The following LGSN variants were observed in gnomAD, a reference collection of about 807,000 sequenced individuals.
LGSN encodes lengsin, lens protein with glutamine synthetase domain, also known as lengsin.
Under a neutral mutation model 19.5 loss-of-function variants are expected in LGSN, and 21 were observed. The ratio of observed to expected loss-of-function variants is 1.07; its 90% CI spans 0.76 to 1.55. The LOEUF (loss-of-function observed/expected upper bound fraction) is 1.55. LGSN is among the 40% of genes most tolerant of loss of function. LGSN has a pLI of 0.00. For missense variants in LGSN, 673 were observed against 608.5 expected (o/e 1.11, Z -1.12); for synonymous variants, 257 against 215.6 (o/e 1.19, Z -1.68).
At chr6:63,450,499 T>C in the LGSN span, among the ~76,000 whole-genome samples, 854 of 151,236 alleles carry the variant, frequency 5.6e-3, 4 homozygotes, top group African/African-American at 0.019. Flanking sequence ...GAGCCAAGAC[T>C]GTGCCACTGA....
At chr6:63,385,651 G>A in the LGSN span, among the ~76,000 whole-genome samples, 1 of 152,064 alleles carries the variant, frequency 6.6e-6, no homozygotes, top group Non-Finnish European at 1.5e-5. Flanking sequence ...TTTAACTTAT[G>A]TCTAACTTAT....
At chr6:63,507,386 G>A in the LGSN span, among the ~76,000 whole-genome samples, 10 of 152,158 alleles carry the variant, frequency 6.6e-5, no homozygotes, top group Admixed American at 2.0e-4. Flanking sequence ...TGAGATACAT[G>A]TGCATATAAT....
the LGSN span, among the ~76,000 whole-genome samples, chr6:63,443,260 G>A: frequency 2.6e-5 from 4 of 152,188 alleles, no homozygotes; most frequent in South Asian, 2.1e-4. Context: ...CCGAGCCCGC[G>A]CCCACCTGGA....
chr6:63,304,277 G>A (rs1302683470), intron 1 of LGSN, among the ~76,000 whole-genome samples: 1 of 152,138 alleles, frequency 6.6e-6, no homozygotes, highest in Non-Finnish European at 1.5e-5. Flanking sequence ...TTTCTAGATG[G>A]GCATCATTTG....
At chr6:63,424,955 A>G in the LGSN span, among the ~76,000 whole-genome samples, 2 of 135,846 alleles carry the variant, frequency 1.5e-5, no homozygotes, top group African/African-American at 5.1e-5. Context: ...AGAAAAATAA[A>G]CAATTCAATT....
the LGSN span, among the ~76,000 whole-genome samples, chr6:63,564,283 A>C: frequency 6.6e-6 from 1 of 152,096 alleles, no homozygotes; most frequent in Admixed American, 6.6e-5. Flanking sequence ...CTCAAAAAAA[A>C]AAAAAAAGAG....
chr6:63,500,323 G>A, the LGSN span, among the ~76,000 whole-genome samples: 1 of 152,188 alleles, frequency 6.6e-6, no homozygotes, highest in Non-Finnish European at 1.5e-5. Context: ...AGAAGGCAAT[G>A]GTCAAGAGCA....
chr6:63,526,878 A>G, the LGSN span, among the ~76,000 whole-genome samples: 114 of 147,128 alleles, frequency 7.7e-4, no homozygotes, highest in East Asian at 6.9e-3. Context: ...AGGATGCATT[A>G]CTTGCACTAT....
chr6:63,559,777 A>G, the LGSN span, among the ~76,000 whole-genome samples: 2 of 152,058 alleles, frequency 1.3e-5, no homozygotes, highest in African/African-American at 4.8e-5. Flanking sequence ...TTTCACAGCC[A>G]GGCATGGTCG....
chr6:63,486,158 C>T, the LGSN span, among the ~76,000 whole-genome samples: 2 of 152,128 alleles, frequency 1.3e-5, no homozygotes, highest in African/African-American at 2.4e-5. Flanking sequence ...TAAATTTGTA[C>T]TTAAGACATT....
At chr6:63,463,237 T>C in the LGSN span, among the ~76,000 whole-genome samples, 1 of 152,214 alleles carries the variant, frequency 6.6e-6, no homozygotes, top group Non-Finnish European at 1.5e-5. Flanking sequence ...AGTGAATATA[T>C]GTTAAGCATC....
Position 63,285,736 on chromosome 6 carries a change from T to G in LGSN, c.181A>C (p.Ser61Arg), listed in dbSNP as rs756451288. The change falls in exon 3 of 4, where the codon AGT becomes CGT. Residue 61 changes from serine (S) to arginine (R), a missense_variant. By Grantham distance (110) the Ser-to-Arg change is moderately radical. Transcript: ENST00000370657. ...SNSNDCMRDS[S>R]QILTPPQLSS... ...AGTTGAGGTGGGGTCAAAATTTGACTGCTGTCCCTCATGCAATCTGCAAAA... is the reference window on the plus strand; with the variant it reads ...AGTTGAGGTGGGGTCAAAATTTGACGGCTGTCCCTCATGCAATCTGCAAAA... 2 of 1,614,102 alleles carry G rather than the reference T, an allele frequency of 1.2e-6. No homozygotes were observed. The highest frequency in any genetic ancestry group is 3.3e-5 in the Admixed American group (2 of 60,024).
the LGSN span, among the ~76,000 whole-genome samples, chr6:63,456,675 G>A: frequency 6.6e-6 from 1 of 152,062 alleles, no homozygotes; most frequent in Non-Finnish European, 1.5e-5. Context: ...GCTCCTTAGA[G>A]CTTGGGCTAT....
the LGSN span, among the ~76,000 whole-genome samples, chr6:63,338,743 C>T: frequency 6.6e-6 from 1 of 151,702 alleles, no homozygotes; most frequent in Admixed American, 6.6e-5. Context: ...TTGGTTTGTT[C>T]TTGCTTTTCT....
At chr6:63,476,683 T>C in the LGSN span, among the ~76,000 whole-genome samples, 1 of 152,106 alleles carries the variant, frequency 6.6e-6, no homozygotes. Flanking sequence ...GGGGAGAGTC[T>C]AAAGAGCACA....
At chr6:63,304,018 C>T (rs1453106820) in intron 1 of LGSN, among the ~76,000 whole-genome samples, 1 of 152,152 alleles carries the variant, frequency 6.6e-6, no homozygotes, top group Admixed American at 6.6e-5. Flanking sequence ...TTGCTTATGC[C>T]TCTTGGAACA....
the LGSN span, among the ~76,000 whole-genome samples, chr6:63,411,044 G>A: frequency 6.6e-6 from 1 of 152,048 alleles, no homozygotes; most frequent in African/African-American, 2.4e-5. Context: ...AATTTATCAG[G>A]ATTATTTCTC....
At chr6:63,369,334 G>A in the LGSN span, among the ~76,000 whole-genome samples, 1 of 152,174 alleles carries the variant, frequency 6.6e-6, no homozygotes, top group Admixed American at 6.5e-5. Context: ...TGTAACTGAA[G>A]GTATTGAATA....
chr6:63,323,778 T>C (rs921864301), upstream of LGSN, among the ~76,000 whole-genome samples: 9 of 150,418 alleles, frequency 6.0e-5, no homozygotes, highest in African/African-American at 1.7e-4. Flanking sequence ...GCATTCTTTT[T>C]TTTTTTTTTT....
Sources: allele counts gnomAD v4.1 joint callset (sites outside exome capture counted in the v4.1 genomes callset), GRCh38; gene constraint gnomAD v4.1.1; transcripts MANE v1.5; gene names NCBI Gene and HGNC (gene_info 2026-07-23, HGNC 2026-07-21).